Variants in MALRD1 observed in about 807,000 individuals in gnomAD.
The protein encoded by MALRD1 is MAM and LDL-receptor class A domain-containing protein 1.
Under a neutral mutation model 242.1 loss-of-function variants are expected in MALRD1, and 247 were observed. The ratio of observed to expected loss-of-function variants is 1.02; its 90% CI spans 0.92 to 1.13. MALRD1 has a LOEUF of 1.13. MALRD1 is among the 50% of genes most tolerant of loss of function. The probability of loss-of-function intolerance (pLI) is 0.00; values close to 1 mark genes in which losing one functional copy is unlikely to be tolerated. For missense variants in MALRD1, 2,989 were observed against 2,533.1 expected, an observed-to-expected ratio of 1.18 and a Z score of -3.86; for synonymous variants, 995 against 866.6, an observed-to-expected ratio of 1.15 and a Z score of -2.60.
chr10:19,331,492 T>C lies in MALRD1; in HGVS notation c.3811T>C (p.Cys1271Arg). Reference sequence around the variant, plus strand: ...AAAGTGTACTGATCATGAATTCATGTGTGCTAATAAGCACTGCATTGCCAA... The same window carrying C: ...AAAGTGTACTGATCATGAATTCATGCGTGCTAATAAGCACTGCATTGCCAA... ...ERKCTDHEFMCANKHCIAKDK... is the reference protein window; with the variant it reads ...ERKCTDHEFMRANKHCIAKDK... Residue 1271 changes from cysteine (C) to arginine (R), a missense_variant, in exon 24 of 40, where the codon TGT becomes CGT. By Grantham distance (180) the Cys-to-Arg change is radical (BLOSUM62 -3). Transcript: ENST00000454679. 2 of 1,550,468 alleles carry C rather than the reference T, an allele frequency of 1.3e-6. No homozygotes were observed. Among genetic ancestry groups the C allele is most frequent in the South Asian group, 2.4e-5 (2 of 84,058 alleles).
At chr10:19,722,626 A>AAAAATTT (rs1276192880) in intron 38 of MALRD1, 41 of 147,262 alleles carry the variant, frequency 2.8e-4, no homozygotes, top group African/African-American at 8.7e-4. Context: ...AAAAGGTGGA[A>AAAAATTT]AAAATTTAAA....
intron 32 of MALRD1, among the ~76,000 whole-genome samples, chr10:19,555,854 T>C (rs1835694870): frequency 6.6e-6 from 1 of 152,182 alleles, no homozygotes; most frequent in Non-Finnish European, 1.5e-5. Context: ...TTAATGATGG[T>C]ATGCTACTGA....
At chr10:19,195,152 G>T (rs1265084648) in intron 14 of MALRD1, among the ~76,000 whole-genome samples, 23 of 152,110 alleles carry the variant, frequency 1.5e-4, no homozygotes, top group Admixed American at 1.5e-3. Flanking sequence ...TAGTGTTCAG[G>T]ATAATCCAGA....
rs766220622 is a variant in MALRD1 at position 19,595,387 on chromosome 10, G to A, written c.5874G>A (p.Glu1958=). ...SNMEFPCSTD[E]CIPSLLLCDG... The stretch of plus-strand genomic sequence containing the variant: ...TGGAGTTCCCGTGCTCTACAGACGA[G>A]TGTATACCTTCCCTCCTGCTATGCG... The change falls in exon 34 of 40, where the codon GAG becomes GAA. Residue 1958 remains glutamate (E), a synonymous_variant. Coordinates refer to ENST00000454679, the MANE Select transcript of MALRD1 (RefSeq NM_001142308.3). 5.7e-5 allele frequency: 89 copies of A among 1,550,376 alleles called. No individual in the cohort carries two copies. Among genetic ancestry groups the A allele is most frequent in the Middle Eastern group, 1.7e-4 (1 of 6,014 alleles).
chr10:19,284,659 C>T (rs1841019436), intron 21 of MALRD1, among the ~76,000 whole-genome samples: 1 of 140,156 alleles, frequency 7.1e-6, no homozygotes, highest in African/African-American at 2.7e-5. Flanking sequence ...CATTGTTGGA[C>T]ATTTGGGTTG....
chr10:19,408,917 A>G (rs965650925), intron 28 of MALRD1, among the ~76,000 whole-genome samples: 6 of 152,228 alleles, frequency 3.9e-5, no homozygotes, highest in Admixed American at 3.3e-4. Flanking sequence ...ATGCAATACC[A>G]TATAATCCAG....
chr10:19,320,600 T>C (rs922205128), intron 21 of MALRD1, among the ~76,000 whole-genome samples: 2 of 152,184 alleles, frequency 1.3e-5, no homozygotes, highest in Non-Finnish European at 2.9e-5. Flanking sequence ...ATGGGATTGC[T>C]GGGTCAAATG....
At chr10:19,325,494 G>T (rs1843088137) in intron 22 of MALRD1, among the ~76,000 whole-genome samples, 1 of 150,746 alleles carries the variant, frequency 6.6e-6, no homozygotes, top group Non-Finnish European at 1.5e-5. Context: ...CCCAAGTCCT[G>T]TCTTCCCATA....
chr10:19,513,918 T>A (rs1833519269), intron 31 of MALRD1, among the ~76,000 whole-genome samples: 1 of 152,144 alleles, frequency 6.6e-6, no homozygotes, highest in Non-Finnish European at 1.5e-5. Context: ...GGTTAGCAAT[T>A]TAGGTGCCAA....
At chr10:19,611,890 G>A (rs1838917154) in intron 35 of MALRD1, among the ~76,000 whole-genome samples, 1 of 151,944 alleles carries the variant, frequency 6.6e-6, no homozygotes, top group African/African-American at 2.4e-5. Flanking sequence ...TTCACCTCTG[G>A]TTCCAGTGAA....
At chr10:19,609,663 A>T (rs1429690308) in intron 35 of MALRD1, among the ~76,000 whole-genome samples, 2 of 152,198 alleles carry the variant, frequency 1.3e-5, no homozygotes, top group South Asian at 2.1e-4. Flanking sequence ...ATATATTTCA[A>T]TGAATCCTGT....
intron 13 of MALRD1, among the ~76,000 whole-genome samples, chr10:19,168,534 C>A (rs945902378): frequency 1.3e-5 from 2 of 152,096 alleles, no homozygotes; most frequent in African/African-American, 4.8e-5. Context: ...TCTCATGGAC[C>A]CATCAACATT....
chr10:19,300,621 A>G (rs1240557263), intron 21 of MALRD1, among the ~76,000 whole-genome samples: 1 of 151,960 alleles, frequency 6.6e-6, no homozygotes, highest in African/African-American at 2.4e-5. Flanking sequence ...GGACTCCCCT[A>G]GTCAATAAAC....
intron 36 of MALRD1, among the ~76,000 whole-genome samples, chr10:19,625,779 T>C (rs974752197): frequency 6.6e-6 from 1 of 152,144 alleles, no homozygotes; most frequent in Non-Finnish European, 1.5e-5. Flanking sequence ...TGTATCTAAG[T>C]GGGAGCCACT....
chr10:19,572,637 A>C (rs1171251707), intron 33 of MALRD1, among the ~76,000 whole-genome samples: 1 of 152,178 alleles, frequency 6.6e-6, no homozygotes, highest in African/African-American at 2.4e-5. Flanking sequence ...TCAGAATGTG[A>C]TCCCATTTAG....
intron 1 of MALRD1, chr10:19,052,030 G>C (rs1934050): frequency 0.7 from 229,597 of 330,110 alleles, 81,204 homozygotes; most frequent in African/African-American, 0.86. Flanking sequence ...AGATTTGTAA[G>C]AAAAATTAAT....
chr10:19,334,995 C>G (rs1384930124), intron 24 of MALRD1, among the ~76,000 whole-genome samples: 1 of 151,964 alleles, frequency 6.6e-6, no homozygotes, highest in East Asian at 1.9e-4. Flanking sequence ...GTGCGTATTT[C>G]TAGGAATTTC....
chr10:19,397,916 A>AT (rs58737628), intron 28 of MALRD1, among the ~76,000 whole-genome samples: 11,280 of 145,722 alleles, frequency 0.077, 857 homozygotes, highest in African/African-American at 0.2. Flanking sequence ...GATGCCGAGC[A>AT]TTTTTTTTTT....
intron 1 of MALRD1, among the ~76,000 whole-genome samples, chr10:19,064,199 T>C (rs183812841): frequency 6.6e-6 from 1 of 152,304 alleles, no homozygotes; most frequent in Admixed American, 6.5e-5. Flanking sequence ...TCCAGGAACT[T>C]GGATTCCACT....
Sources: allele counts gnomAD v4.1 joint callset (sites outside exome capture counted in the v4.1 genomes callset), GRCh38; gene constraint gnomAD v4.1.1; transcripts MANE v1.5; gene names NCBI Gene and HGNC (gene_info 2026-07-23, HGNC 2026-07-21).